Variants in ICA1L observed in about 807,000 individuals in gnomAD.
ICA1L encodes the protein islet cell autoantigen 1-like protein.
In ICA1L, 50 loss-of-function variants were observed where a neutral mutation model predicts 61.3. The ratio of observed to expected loss-of-function variants is 0.82; its 90% CI spans 0.65 to 1.03. ICA1L has a LOEUF of 1.03. ICA1L is among the 50% of genes least tolerant of loss of function. ICA1L has a pLI of 0.00. For synonymous variants in ICA1L, 161 were observed against 191.3 expected, an observed-to-expected ratio of 0.84 and a Z score of 1.31; for missense variants, 508 against 556.7, an observed-to-expected ratio of 0.91 and a Z score of 0.88.
chr2:202,831,108 G>A (rs1694004476), intron 1 of ICA1L, among the ~76,000 whole-genome samples: 2 of 152,106 alleles, frequency 1.3e-5, no homozygotes, highest in Non-Finnish European at 2.9e-5. Context: ...ACAAGGACAA[G>A]CTGTAAAGTC....
rs748764072 is a variant in ICA1L, at chr2:202,778,640, A to C, written c.*893T>G. The C allele has an allele frequency of 6.6e-5, 10 of 152,578 alleles. No homozygotes were observed. Among genetic ancestry groups the C allele is most frequent in the Non-Finnish European group, 1.2e-4 (8 of 68,042 alleles). 9.5% of individuals were successfully genotyped at this position (152,578 alleles called of 1,614,324 possible). On this transcript the variant is annotated 3_prime_UTR_variant, in exon 13 of 13. Coordinates refer to ENST00000358299, the MANE Select transcript of ICA1L (RefSeq NM_001288622.3). ...ATAGAAATTTCTAGGTATTTCAGGA[A>C]TACTATTGCCAGTTGCTTAGGGAAT...
At position 202,815,921 on chromosome 2, in the gene ICA1L, A is replaced by G. The variant is rs1222020745; in HGVS notation, c.773T>C (p.Val258Ala). The change falls in exon 7 of 13, where the codon GTA (valine) becomes GCA (alanine). Residue 258 changes from valine (V) to alanine (A), a missense_variant. Transcript: ENST00000358299. ...ACIGFHPYDF[V>A]ALKQLQDTPS... ...TGGAACACAATGTACCTTGAGAGCT[A>G]CAAAATCATACGGATGAAAGCCAAT... 6.3e-7 allele frequency: 1 copy of G among 1,583,558 alleles called. No homozygotes were observed. The highest frequency in any genetic ancestry group is 8.6e-7 in the Non-Finnish European group (1 of 1,165,910).
intron 1 of ICA1L, chr2:202,841,466 T>G (rs1363105811): frequency 1.1e-6 from 1 of 914,078 alleles, no homozygotes; most frequent in Non-Finnish European, 1.8e-6. Flanking sequence ...ACCTTGTCTA[T>G]GGAGGAGGCA....
chr2:202,786,023 T>C lies in ICA1L; in HGVS notation c.1244-16A>G. On this transcript the variant is annotated splice_polypyrimidine_tract_variant and intron_variant, in intron 11 of 12. Transcript: ENST00000358299. ...GAGACCCAGTCTGGGATAAAAGAAG[T>C]AAAAATTGTCCATTGTTAATCAAAT... is the stretch of plus-strand genomic sequence containing the variant. 1 of 1,470,480 alleles carries C rather than the reference T, an allele frequency of 6.8e-7. No homozygotes were observed. The highest frequency in any genetic ancestry group is 9.4e-7 in the Non-Finnish European group (1 of 1,061,164). 91.1% of individuals were successfully genotyped at this position (1,470,480 alleles called of 1,614,324 possible). A position where few individuals can be genotyped will look rare whatever the true frequency, so the allele number is the denominator to read the frequency against.
At chr2:202,841,397 C>T in intron 1 of ICA1L, 1 of 1,119,546 alleles carries the variant, frequency 8.9e-7, no homozygotes, top group Non-Finnish European at 1.3e-6. Flanking sequence ...CCATCTTCTG[C>T]TGCTGCAGGA....
intron 9 of ICA1L, among the ~76,000 whole-genome samples, chr2:202,797,545 A>G (rs1029136942): frequency 6.6e-6 from 1 of 152,002 alleles, no homozygotes; most frequent in African/African-American, 2.4e-5. Flanking sequence ...TTTTTGAGAC[A>G]GAGTCTTGCT....
intron 10 of ICA1L, among the ~76,000 whole-genome samples, chr2:202,795,589 C>G (rs1692900984): frequency 6.6e-6 from 1 of 151,216 alleles, no homozygotes; most frequent in African/African-American, 2.4e-5. Context: ...GGGCGAAACT[C>G]CATCTCAAAA....
At chr2:202,785,327 T>A (rs1036820438) in intron 12 of ICA1L, among the ~76,000 whole-genome samples, 1 of 152,090 alleles carries the variant, frequency 6.6e-6, no homozygotes, top group African/African-American at 2.4e-5. Context: ...GCATCTTGTA[T>A]CCCTAATTTT....
At chr2:202,821,252 C>T in intron 4 of ICA1L, 106 bp downstream of exon 4, 1 of 1,074,024 alleles carries the variant, frequency 9.3e-7, no homozygotes, top group Non-Finnish European at 1.3e-6. Context: ...CTCTTTAACC[C>T]TTTATTAGAA....
chr2:202,815,919 C>A lies in ICA1L; in HGVS notation c.775G>T (p.Ala259Ser). 1 of 1,576,134 alleles carries A rather than the reference C, an allele frequency of 6.3e-7. No individual in the cohort carries two copies. Among genetic ancestry groups the A allele is most frequent in the Admixed American group, 1.8e-5 (1 of 54,502 alleles). Residue 259 changes from alanine (A) to serine (S), a missense_variant, in exon 7 of 13, where the codon GCT becomes TCT. Transcript: ENST00000358299. Reference protein sequence around the residue: ...CIGFHPYDFVALKQLQDTPSK... With the variant: ...CIGFHPYDFVSLKQLQDTPSK... The stretch of plus-strand genomic sequence containing the variant: ...CATGGAACACAATGTACCTTGAGAG[C>A]TACAAAATCATACGGATGAAAGCCA...
At chr2:202,820,276 G>A (rs2105851162) in intron 4 of ICA1L, among the ~76,000 whole-genome samples, 1 of 152,038 alleles carries the variant, frequency 6.6e-6, no homozygotes, top group East Asian at 1.9e-4. Flanking sequence ...TCGGGAGGCT[G>A]AGGCAGGAGA....
chr2:202,802,477 A>G (rs1202078925), intron 9 of ICA1L, among the ~76,000 whole-genome samples: 1 of 152,156 alleles, frequency 6.6e-6, no homozygotes, highest in African/African-American at 2.4e-5. Context: ...AACTAGTAAA[A>G]GGCACAAATA....
chr2:202,863,974 C>T (rs1036139986), intron 1 of ICA1L, among the ~76,000 whole-genome samples: 17 of 152,058 alleles, frequency 1.1e-4, no homozygotes, highest in African/African-American at 4.1e-4. Flanking sequence ...ATGCAACTTA[C>T]CAAAAACTAA....
intron 1 of ICA1L, among the ~76,000 whole-genome samples, chr2:202,834,471 A>G (rs1340920351): frequency 6.6e-6 from 1 of 152,084 alleles, no homozygotes; most frequent in Non-Finnish European, 1.5e-5. Context: ...TCTACAAAAA[A>G]TACAAAAATT....
intron 1 of ICA1L, chr2:202,840,650 G>A (rs1013894610): frequency 1.4e-5 from 8 of 585,514 alleles, no homozygotes; most frequent in South Asian, 4.2e-5. Context: ...CCTGATGTTC[G>A]TCAGTTCCTG....
intron 1 of ICA1L, among the ~76,000 whole-genome samples, chr2:202,851,168 C>A (rs1346301286): frequency 7.9e-5 from 12 of 151,820 alleles, no homozygotes; most frequent in Non-Finnish European, 1.5e-4. Context: ...CCACTCCCCC[C>A]ACCCCACAAC....
At chr2:202,827,301 G>A (rs553930675) in intron 2 of ICA1L, among the ~76,000 whole-genome samples, 5 of 152,096 alleles carry the variant, frequency 3.3e-5, no homozygotes, top group Admixed American at 2.6e-4. Flanking sequence ...GCTGAGGCAG[G>A]AGAATCGCTT....
intron 1 of ICA1L, chr2:202,871,306 C>A: frequency 6.6e-6 from 1 of 152,200 alleles, no homozygotes; most frequent in African/African-American, 2.4e-5. Context: ...GCGAGCGTGG[C>A]CGGGAGGCGC....
At chr2:202,808,286 A>G (rs1574342457) in intron 9 of ICA1L, among the ~76,000 whole-genome samples, 1 of 152,312 alleles carries the variant, frequency 6.6e-6, no homozygotes, top group South Asian at 2.1e-4. Context: ...ATTCACCACA[A>G]GCTGACTGAA....
Sources: gnomAD v4.1 joint callset for allele counts (sites outside exome capture counted in the v4.1 genomes callset) on GRCh38, gnomAD v4.1.1 for gene constraint, MANE v1.5 for transcripts, NCBI Gene and HGNC (gene_info 2026-07-23, HGNC 2026-07-21) for gene names.